Variants in SIPA1L1 observed in about 807,000 individuals in gnomAD.
The protein encoded by SIPA1L1 is signal-induced proliferation-associated 1-like protein 1.
SIPA1L1 carries 26 observed loss-of-function variants against 162.7 expected under a neutral mutation model. The observed-to-expected ratio is 0.16, with a 90% CI of 0.12 to 0.22. The LOEUF is 0.22. SIPA1L1 is among the 10% of genes least tolerant of loss of function. The pLI is 1.00. For synonymous variants in SIPA1L1, 829 were observed against 837.4 expected (o/e 0.99, Z 0.17); for missense variants, 1,874 against 2,241.0 (o/e 0.84, Z 3.31).
intron 2 of SIPA1L1, among the ~76,000 whole-genome samples, chr14:71,489,749 G>A (rs1480398632): frequency 6.6e-6 from 1 of 151,868 alleles, no homozygotes; most frequent in African/African-American, 2.4e-5. Flanking sequence ...ATCTCATAAT[G>A]TTTTAAGAAA....
At chr14:71,689,896 CAAACTT>C (rs1476210017) in intron 13 of SIPA1L1, among the ~76,000 whole-genome samples, 4 of 152,272 alleles carry the variant, frequency 2.6e-5, no homozygotes, top group East Asian at 3.9e-4. Flanking sequence ...ATGGTGGAAA[CAAACTT>C]AAAAGAGTTC....
chr14:71,467,548 A>G (rs2047097224), intron 2 of SIPA1L1, among the ~76,000 whole-genome samples: 1 of 152,178 alleles, frequency 6.6e-6, no homozygotes, highest in South Asian at 2.1e-4. Flanking sequence ...TAATTTAAAA[A>G]CGTAATTGTG....
At chr14:71,322,102 A>G (rs2033102395) in intron 2 of SIPA1L1, among the ~76,000 whole-genome samples, 1 of 152,226 alleles carries the variant, frequency 6.6e-6, no homozygotes. Flanking sequence ...ATGTGATGCA[A>G]ATTTCAGAAT....
chr14:71,713,847 A>G (rs1385444111), intron 17 of SIPA1L1, among the ~76,000 whole-genome samples: 1 of 150,878 alleles, frequency 6.6e-6, no homozygotes, highest in African/African-American at 2.4e-5. Flanking sequence ...TACCTGTAAC[A>G]TTTCCTTCTC....
intron 2 of SIPA1L1, among the ~76,000 whole-genome samples, chr14:71,355,248 T>C (rs948278992): frequency 1.3e-4 from 20 of 152,232 alleles, no homozygotes; most frequent in African/African-American, 4.3e-4. Flanking sequence ...GCCAAGTAAT[T>C]GTATAGGACT....
intron 2 of SIPA1L1, among the ~76,000 whole-genome samples, chr14:71,335,042 G>A (rs192358886): frequency 7.2e-5 from 11 of 152,352 alleles, no homozygotes; most frequent in Admixed American, 1.3e-4. Context: ...GCTCACGCCT[G>A]TAATCCCAAG....
intron 2 of SIPA1L1, among the ~76,000 whole-genome samples, chr14:71,460,712 T>C (rs1353309959): frequency 6.6e-6 from 1 of 152,194 alleles, no homozygotes; most frequent in East Asian, 1.9e-4. Flanking sequence ...AGTGGATCAC[T>C]AGGGGTGATG....
chr14:71,724,027 T>C lies in SIPA1L1; in HGVS notation c.4448+141T>C. ...TGGTCTGTTGGTGGGATTATGATTT[T>C]TTTTCCTAAGTAATATTTTCTTAAA... On this transcript the variant is annotated intron_variant, in intron 18 of 23. Transcript: ENST00000381232. The C allele has an allele frequency of 3.5e-6, 3 of 865,744 alleles. No homozygotes were observed. In the East Asian group the frequency reaches 8.0e-5, roughly 23 times the overall value. The allele number at this position is 865,744 out of a possible 1,614,324, so 53.6% of individuals were successfully genotyped here.
intron 8 of SIPA1L1, among the ~76,000 whole-genome samples, chr14:71,653,264 A>G (rs2042778912): frequency 6.6e-6 from 1 of 152,188 alleles, no homozygotes; most frequent in Non-Finnish European, 1.5e-5. Flanking sequence ...GAACTCATTA[A>G]TGTCTCCCAA....
intron 20 of SIPA1L1, among the ~76,000 whole-genome samples, chr14:71,732,954 T>C (rs1295328997): frequency 1.3e-5 from 2 of 152,258 alleles, no homozygotes; most frequent in African/African-American, 4.8e-5. Context: ...GGCTCACGCC[T>C]GTAATCCTAG....
chr14:71,417,008 C>T (rs2042818362), intron 2 of SIPA1L1, among the ~76,000 whole-genome samples: 2 of 151,980 alleles, frequency 1.3e-5, no homozygotes, highest in East Asian at 3.9e-4. Flanking sequence ...CCGTTGGCCT[C>T]CTGAAGTGCT....
chr14:71,608,747 A>C lies in SIPA1L1; in HGVS notation c.1499-10010A>C, dbSNP rs186706396. Among the ~76,000 whole-genome samples the C allele has an allele frequency of 1.4e-4, 21 of 151,984 alleles. No individual in the cohort carries two copies. In the East Asian group the frequency reaches 4.1e-3, roughly 29 times the overall value. On this transcript the variant is annotated intron_variant, in intron 5 of 23. Coordinates refer to ENST00000381232, the MANE Select transcript of SIPA1L1 (RefSeq NM_001386936.1). Reference sequence around the variant, plus strand: ...CCGTCTCTACTAAAAATACAGAGGTAAGCCGGGCGTGGTGGTGCATGCCTG... The same window carrying C: ...CCGTCTCTACTAAAAATACAGAGGTCAGCCGGGCGTGGTGGTGCATGCCTG...
intron 2 of SIPA1L1, among the ~76,000 whole-genome samples, chr14:71,432,687 A>G (rs755754339): frequency 5.6e-4 from 85 of 152,276 alleles, no homozygotes; most frequent in East Asian, 3.1e-3. Context: ...GGTCAGAGAA[A>G]AGCGTTTGCT....
chr14:71,365,395 TCTC>T (rs2038192716), intron 2 of SIPA1L1, among the ~76,000 whole-genome samples: 1 of 151,842 alleles, frequency 6.6e-6, no homozygotes, highest in African/African-American at 2.4e-5. Context: ...AGCTCAAGAG[TCTC>T]CTCTGCACGG....
intron 2 of SIPA1L1, among the ~76,000 whole-genome samples, chr14:71,342,949 G>T (rs2035805113): frequency 6.6e-6 from 1 of 152,092 alleles, no homozygotes; most frequent in Non-Finnish European, 1.5e-5. Context: ...AACTTTCGTG[G>T]CCAAAGAAGG....
At chr14:71,585,995 A>G (rs190150293) in intron 4 of SIPA1L1, among the ~76,000 whole-genome samples, 8 of 152,344 alleles carry the variant, frequency 5.3e-5, no homozygotes, top group South Asian at 4.1e-4. Context: ...AGGAACATGT[A>G]AAGTTCTGGA....
chr14:71,494,627 A>G (rs936816930), intron 2 of SIPA1L1, among the ~76,000 whole-genome samples: 1 of 151,446 alleles, frequency 6.6e-6, no homozygotes, highest in African/African-American at 2.4e-5. Context: ...CCTAGGATCA[A>G]GCGATCCTCC....
intron 5 of SIPA1L1, among the ~76,000 whole-genome samples, chr14:71,605,730 G>A (rs1232622279): frequency 6.6e-6 from 1 of 152,178 alleles, no homozygotes; most frequent in African/African-American, 2.4e-5. Flanking sequence ...GTGCCTAGGA[G>A]GTGGGCCAAT....
At chr14:71,708,513 TG>T (rs2082644729) in intron 16 of SIPA1L1, among the ~76,000 whole-genome samples, 1 of 152,062 alleles carries the variant, frequency 6.6e-6, no homozygotes, top group Non-Finnish European at 1.5e-5. Flanking sequence ...TTTGTAGAAA[TG>T]GGGTTTTGCT....
Sources: gnomAD v4.1 joint callset for allele counts (sites outside exome capture counted in the v4.1 genomes callset) on GRCh38, gnomAD v4.1.1 for gene constraint, MANE v1.5 for transcripts, NCBI Gene and HGNC (gene_info 2026-07-23, HGNC 2026-07-21) for gene names.